The following KMO variants were observed in gnomAD, a reference collection of about 807,000 sequenced individuals.
KMO encodes the protein kynurenine 3-monooxygenase, also known as kynurenine 3-hydroxylase.
KMO carries 24 observed loss-of-function variants against 57.8 expected under a neutral mutation model. That is an observed-to-expected ratio of 0.42 (90% CI 0.30 to 0.58). The LOEUF (loss-of-function observed/expected upper bound fraction) is 0.58, where lower values mean the gene tolerates loss of function less well. Among genes scored for constraint, KMO ranks in the 20% least tolerant of loss-of-function variants. KMO has a pLI of 0.22. For synonymous variants in KMO, 210 were observed against 193.6 expected (o/e 1.08, Z -0.70); for missense variants, 483 against 588.2 (o/e 0.82, Z 1.85).
At chr1:241,575,102 T>C (rs937705236) in intron 10 of KMO, among the ~76,000 whole-genome samples, 4 of 152,158 alleles carry the variant, frequency 2.6e-5, no homozygotes, top group Non-Finnish European at 1.5e-5. Flanking sequence ...TTTTGTGGTG[T>C]CCATTGTAAT....
intron 10 of KMO, among the ~76,000 whole-genome samples, chr1:241,581,733 T>TA (rs1480281661): frequency 2.0e-5 from 3 of 152,176 alleles, no homozygotes; most frequent in Non-Finnish European, 4.4e-5. Flanking sequence ...ATACTGTCTC[T>TA]AAAAAGTTCT....
intron 10 of KMO, among the ~76,000 whole-genome samples, chr1:241,582,375 A>C (rs1395863488): frequency 6.6e-6 from 1 of 152,102 alleles, no homozygotes; most frequent in Non-Finnish European, 1.5e-5. Context: ...GTCTCTCTCT[A>C]TATATGTTCT....
At chr1:241,549,201 G>GGAA (rs1558414715) in intron 2 of KMO, among the ~76,000 whole-genome samples, 1 of 93,286 alleles carries the variant, frequency 1.1e-5, no homozygotes, top group Non-Finnish European at 2.1e-5. Flanking sequence ...AGAAAGAAAA[G>GGAA]GAAGAAAGAA....
intron 7 of KMO, among the ~76,000 whole-genome samples, chr1:241,564,566 T>C (rs957361170): frequency 1.3e-5 from 2 of 151,670 alleles, no homozygotes; most frequent in Non-Finnish European, 2.9e-5. Flanking sequence ...GTAAAAAATA[T>C]ATATATAAAT....
intron 1 of KMO, among the ~76,000 whole-genome samples, chr1:241,544,762 C>A (rs902956905): frequency 1.3e-5 from 2 of 152,034 alleles, no homozygotes; most frequent in Non-Finnish European, 2.9e-5. Flanking sequence ...AACATGCATA[C>A]AAAATTTTGA....
At chr1:241,548,584 G>GT (rs1491517553) in intron 1 of KMO, among the ~76,000 whole-genome samples, 2 of 122,494 alleles carry the variant, frequency 1.6e-5, no homozygotes, top group African/African-American at 6.6e-5. Context: ...CTATAAAAAA[G>GT]TAAAAAAAAA....
At chr1:241,560,596 T>G in intron 5 of KMO, 69 bp from the exon 6 acceptor site, 1 of 1,117,242 alleles carries the variant, frequency 9.0e-7, no homozygotes, top group East Asian at 2.4e-5. Context: ...ACAATTACTA[T>G]TTCAATTTGA....
chr1:241,591,778 C>T (rs1451014929), intron 14 of KMO, among the ~76,000 whole-genome samples, 175 bp from the exon 15 acceptor site: 1 of 152,134 alleles, frequency 6.6e-6, no homozygotes, highest in Non-Finnish European at 1.5e-5. Context: ...GGCTCCCAAT[C>T]CTTGACTTTA....
At chr1:241,576,350 T>C (rs926684855) in intron 10 of KMO, among the ~76,000 whole-genome samples, 4 of 152,112 alleles carry the variant, frequency 2.6e-5, no homozygotes, top group Non-Finnish European at 4.4e-5. Flanking sequence ...TTATGTTTTG[T>C]AGGCTCTGTG....
chr1:241,548,088 A>AACACACACAAACACACACACACAC (rs139108754), intron 1 of KMO, among the ~76,000 whole-genome samples: 2 of 148,848 alleles, frequency 1.3e-5, no homozygotes, highest in Non-Finnish European at 3.0e-5. Context: ...AAACAAACAA[A>AACACACACAAACACACACACACAC]ACACACACAC....
intron 10 of KMO, among the ~76,000 whole-genome samples, chr1:241,578,456 G>A (rs1219524517): frequency 6.6e-6 from 1 of 152,134 alleles, no homozygotes; most frequent in East Asian, 1.9e-4. Flanking sequence ...CTAGACTACT[G>A]TGAATGCTGT....
At chr1:241,539,922 T>A (rs1932441) in intron 1 of KMO, among the ~76,000 whole-genome samples, 1 of 152,014 alleles carries the variant, frequency 6.6e-6, no homozygotes, top group East Asian at 1.9e-4. Context: ...TTGTCTATAA[T>A]GCTAAAGAAT....
chr1:241,590,364 A>T (rs1475880858), intron 14 of KMO, 101 bp downstream of exon 14: 2 of 953,428 alleles, frequency 2.1e-6, no homozygotes, highest in African/African-American at 3.3e-5. Context: ...ATAATGGGAC[A>T]GACACCAACT....
chr1:241,544,008 T>C (rs1454921390), intron 1 of KMO, among the ~76,000 whole-genome samples: 1 of 152,212 alleles, frequency 6.6e-6, no homozygotes, highest in African/African-American at 2.4e-5. Context: ...TGGCCCATCA[T>C]TGGCTTAGAG....
chr1:241,583,562 G>A (rs1459224156), intron 10 of KMO, among the ~76,000 whole-genome samples: 1 of 151,926 alleles, frequency 6.6e-6, no homozygotes, highest in Non-Finnish European at 1.5e-5. Context: ...AGTGAAGGGA[G>A]TTTTTCCCCA....
chr1:241,540,829 C>T (rs779994516), intron 1 of KMO, among the ~76,000 whole-genome samples: 13 of 151,794 alleles, frequency 8.6e-5, no homozygotes, highest in Non-Finnish European at 1.5e-4. Context: ...TTTGGGGGGC[C>T]GAGGCAGAAG....
intron 11 of KMO, among the ~76,000 whole-genome samples, chr1:241,587,142 G>A (rs781551288): frequency 3.0e-4 from 45 of 152,144 alleles, no homozygotes; most frequent in Non-Finnish European, 6.2e-4. Flanking sequence ...AGGGGGTGGG[G>A]GGAGATGGTT....
In KMO at chr1:241,592,111, C is replaced by T. The variant is rs551138649; in HGVS notation, c.1419C>T (p.Ala473=). Residue 473 remains alanine, a synonymous_variant, in exon 15 of 15, where the codon GCC becomes GCT. Transcript: ENST00000366559. The part of the protein sequence containing the change: ...FRNTTCFPAK[A]VDSLEQISNL... ...ATACAACATGTTTCCCCGCAAAGGC[C>T]GTGGACTCCCTAGAACAAATTTCCA... 33 of 1,613,800 alleles carry T rather than the reference C, an allele frequency of 2.0e-5. No individual in the cohort carries two copies. Among genetic ancestry groups the T allele is most frequent in the Admixed American group, 1.7e-5 (1 of 59,984 alleles).
At chr1:241,590,566 T>A (rs1663222557) in intron 14 of KMO, among the ~76,000 whole-genome samples, 1 of 152,258 alleles carries the variant, frequency 6.6e-6, no homozygotes, top group Non-Finnish European at 1.5e-5. Context: ...CATGCAATAT[T>A]CTTATGAGTT....
Sources: allele counts gnomAD v4.1 joint callset (sites outside exome capture counted in the v4.1 genomes callset), GRCh38; gene constraint gnomAD v4.1.1; transcripts MANE v1.5; gene names NCBI Gene and HGNC (gene_info 2026-07-23, HGNC 2026-07-21).